PAK2: variants seen among roughly 807,000 people sequenced by gnomAD.
The protein encoded by PAK2 is serine/threonine-protein kinase PAK 2.
In PAK2, 21 loss-of-function variants were observed where a neutral mutation model predicts 65.9. The observed-to-expected ratio is 0.32, with a 90% CI of 0.23 to 0.46. The LOEUF (loss-of-function observed/expected upper bound fraction) is 0.46. PAK2 is among the 20% of genes least tolerant of loss of function. The probability of loss-of-function intolerance (pLI) is 1.00; values close to 1 mark genes in which losing one functional copy is unlikely to be tolerated. For missense variants in PAK2, 324 were observed against 642.6 expected, an observed-to-expected ratio of 0.50 and a Z score of 5.36; for synonymous variants, 204 against 219.7, an observed-to-expected ratio of 0.93 and a Z score of 0.63.
At chr3:196,766,823 A>T (rs1458406691) in intron 1 of PAK2, among the ~76,000 whole-genome samples, 1 of 146,532 alleles carries the variant, frequency 6.8e-6, no homozygotes, top group Admixed American at 7.0e-5. Flanking sequence ...ATATATGTAT[A>T]TCAGATCATC....
At chr3:196,750,753 G>GTTT (rs63665262) in intron 1 of PAK2, among the ~76,000 whole-genome samples, 33 of 52,528 alleles carry the variant, frequency 6.3e-4, no homozygotes, top group African/African-American at 1.0e-3. Context: ...CTAAAATAAA[G>GTTT]TTTAAAAAAA....
chr3:196,755,364 T>G (rs1403197308), intron 1 of PAK2, among the ~76,000 whole-genome samples: 2 of 152,042 alleles, frequency 1.3e-5, no homozygotes, highest in Admixed American at 6.5e-5. Flanking sequence ...GGACCCTCCC[T>G]CCCCATTTTT....
rs531408369 is a variant in PAK2, at chr3:196,746,685, C to T, written c.-22+6528C>T. Among the ~76,000 whole-genome samples the T allele has an allele frequency of 4.6e-4, 70 of 152,068 alleles. No individual in the cohort carries two copies. In the East Asian group the frequency reaches 0.012, roughly 25 times the overall value. On this transcript the variant is annotated intron_variant, in intron 1 of 14. Coordinates refer to ENST00000327134, the MANE Select transcript of PAK2 (RefSeq NM_002577.4). The stretch of plus-strand genomic sequence containing the variant: ...ATTAGCCAGGTGTGGTGGCAGGTGC[C>T]TGTAGTCCCAGCTACTCGGGAGGCT...
At position 196,820,322 on chromosome 3, in the gene PAK2, C is replaced by A; in HGVS notation, c.1154-49C>A. ...ACATAATCTGAAGTGAACTCTTCTG[C>A]TAAAACCATCCATGGAAGCCATTAA... is the stretch of plus-strand genomic sequence containing the variant. On this transcript the variant is annotated intron_variant, in intron 12 of 14. Transcript: ENST00000327134. This position sits in a 1 kb window ranked among gnomAD's most constrained non-coding sequence, Gnocchi z 4.6. 8.6e-7 allele frequency: 1 copy of A among 1,164,586 alleles called. No individual in the cohort carries two copies. The highest frequency in any genetic ancestry group is 1.7e-5 in the South Asian group (1 of 58,904). 72.1% of individuals were successfully genotyped at this position (1,164,586 alleles called of 1,614,324 possible).
At chr3:196,777,374 T>G (rs1207200031) in intron 1 of PAK2, among the ~76,000 whole-genome samples, 1 of 152,116 alleles carries the variant, frequency 6.6e-6, no homozygotes, top group Non-Finnish European at 1.5e-5. Flanking sequence ...CAGCTAATTT[T>G]TAAATTTTTA....
chr3:196,743,888 A>C (rs751266841), intron 1 of PAK2, among the ~76,000 whole-genome samples: 1 of 147,916 alleles, frequency 6.8e-6, no homozygotes, highest in Non-Finnish European at 1.5e-5. Flanking sequence ...TCTCAAAAAC[A>C]AACAAACAAA....
intron 1 of PAK2, among the ~76,000 whole-genome samples, chr3:196,761,583 G>A (rs1276904137): frequency 2.0e-4 from 25 of 123,006 alleles, no homozygotes; most frequent in East Asian, 2.4e-4. Flanking sequence ...GCAACCATCC[G>A]ATTTCTCAAT....
At chr3:196,776,574 A>G (rs1433359809) in intron 1 of PAK2, among the ~76,000 whole-genome samples, 7 of 152,174 alleles carry the variant, frequency 4.6e-5, no homozygotes, top group African/African-American at 1.7e-4. Context: ...TGTATCCACT[A>G]TGTTGATTTT....
chr3:196,743,128 A>G (rs1442791752), intron 1 of PAK2, among the ~76,000 whole-genome samples: 3 of 152,178 alleles, frequency 2.0e-5, no homozygotes, highest in Non-Finnish European at 4.4e-5. Flanking sequence ...TTGCCCCCAA[A>G]AAATAAAATA....
chr3:196,759,489 GTTTTTTTTGTT>G (rs1713877684), intron 1 of PAK2, among the ~76,000 whole-genome samples: 16 of 98,880 alleles, frequency 1.6e-4, no homozygotes, highest in African/African-American at 5.2e-4. Flanking sequence ...CAGTTAAGTG[GTTTTTTTTGTT>G]TTTTTTTTTT....
chr3:196,817,372 A>T (rs1711513531), intron 11 of PAK2, among the ~76,000 whole-genome samples: 1 of 150,914 alleles, frequency 6.6e-6, no homozygotes, highest in Non-Finnish European at 1.5e-5. Flanking sequence ...TTTTTTCGAG[A>T]TGGAGTCTTG....
chr3:196,771,715 C>G (rs1019220989), intron 1 of PAK2, among the ~76,000 whole-genome samples: 1 of 152,046 alleles, frequency 6.6e-6, no homozygotes, highest in South Asian at 2.1e-4. Context: ...CTTGCCACCA[C>G]GCCTGGCTAA....
At chr3:196,771,818 A>T (rs991730759) in intron 1 of PAK2, among the ~76,000 whole-genome samples, 1 of 152,094 alleles carries the variant, frequency 6.6e-6, no homozygotes, top group African/African-American at 2.4e-5. Context: ...TAAGCCTCCC[A>T]AAGTGCTGGG....
intron 7 of PAK2, among the ~76,000 whole-genome samples, chr3:196,808,815 C>T (rs1259636574): frequency 6.6e-6 from 1 of 152,166 alleles, no homozygotes; most frequent in African/African-American, 2.4e-5. Flanking sequence ...GAGCCGAGAT[C>T]GTGCCACTGC....
chr3:196,755,657 C>T (rs1345805138), intron 1 of PAK2, among the ~76,000 whole-genome samples: 1 of 152,054 alleles, frequency 6.6e-6, no homozygotes, highest in Non-Finnish European at 1.5e-5. Flanking sequence ...GGGGTTTCTC[C>T]ACGTTGGTCA....
At chr3:196,758,157 TCAA>T (rs1170847191) in intron 1 of PAK2, among the ~76,000 whole-genome samples, 2 of 152,214 alleles carry the variant, frequency 1.3e-5, no homozygotes, top group African/African-American at 4.8e-5. Context: ...GATGTAATGG[TCAA>T]CAAGATAGAT....
intron 1 of PAK2, among the ~76,000 whole-genome samples, chr3:196,761,355 ACT>A (rs1713956393): frequency 1.2e-5 from 1 of 83,394 alleles, no homozygotes; most frequent in East Asian, 2.7e-4. Flanking sequence ...ATTGGTGATG[ACT>A]CTTAACGAGC....
chr3:196,771,853 C>T (rs902015431), intron 1 of PAK2, among the ~76,000 whole-genome samples: 2 of 152,092 alleles, frequency 1.3e-5, no homozygotes, highest in Non-Finnish European at 2.9e-5. Context: ...CTACCATGCC[C>T]GGCCTCCTCT....
intron 1 of PAK2, among the ~76,000 whole-genome samples, chr3:196,751,667 T>TTATATATATATATATATATA (rs1713593282): frequency 2.2e-5 from 1 of 45,108 alleles, no homozygotes; most frequent in African/African-American, 1.0e-4. Context: ...ACAAATTTAT[T>TTATATATATATATATATATA]TATATACATA....
Sources: gnomAD v4.1 joint callset for allele counts (sites outside exome capture counted in the v4.1 genomes callset) on GRCh38, gnomAD v4.1.1 for gene constraint, Gnocchi (gnomAD v3.1) non-coding constraint, MANE v1.5 for transcripts, NCBI Gene and HGNC (gene_info 2026-07-23, HGNC 2026-07-21) for gene names.